The following EBPL variants were observed in gnomAD, a reference collection of about 807,000 sequenced individuals.
EBPL encodes the protein emopamil-binding protein-like.
Under a neutral mutation model 19.0 loss-of-function variants are expected in EBPL, and 20 were observed. That is an observed-to-expected ratio of 1.05 (90% CI 0.74 to 1.53). EBPL has a LOEUF of 1.53. Ranked by LOEUF, EBPL falls within the 40% of genes most tolerant of loss-of-function variation. The pLI, the probability that EBPL is intolerant of heterozygous loss-of-function variation, is 0.00. For synonymous variants in EBPL, 107 were observed against 117.0 expected (o/e 0.91, Z 0.55); for missense variants, 219 against 261.1 (o/e 0.84, Z 1.11).
intron 3 of EBPL, among the ~76,000 whole-genome samples, chr13:49,661,582 C>T (rs1965149258): frequency 6.6e-6 from 1 of 152,138 alleles, no homozygotes; most frequent in Non-Finnish European, 1.5e-5. Context: ...ACCCCTTCCT[C>T]AAACAGTGTA....
In EBPL at chr13:49,691,459, T is replaced by G. The variant is rs778325403; in HGVS notation, c.-35A>C. On this transcript the variant is annotated 5_prime_UTR_variant, in exon 1 of 4. The change abolishes an upstream ATG in the 5' untranslated region. Transcript: ENST00000242827. ...TTCCGACGCCAACGGCCCAGGACCA[T>G]GCGGCAGAGGAAAGCAGGGAGAGAA... 27 of 1,294,012 alleles carry G rather than the reference T, an allele frequency of 2.1e-5. No individual in the cohort carries two copies. Among genetic ancestry groups the G allele is most frequent in the South Asian group, 3.0e-5 (1 of 33,488 alleles). 80.2% of individuals were successfully genotyped at this position (1,294,012 alleles called of 1,614,324 possible).
chr13:49,669,709 C>T (rs1953789472), intron 2 of EBPL, 68 bp downstream of exon 2: 17 of 1,325,128 alleles, frequency 1.3e-5, no homozygotes, highest in East Asian at 4.6e-5. Flanking sequence ...ATAATAGAGG[C>T]GTTTGACAGT....
At chr13:49,661,923 T>C (rs1036767443) in intron 3 of EBPL, 37 of 1,550,364 alleles carry the variant, frequency 2.4e-5, no homozygotes, top group Admixed American at 7.8e-5. Context: ...CAGGCCACTC[T>C]GTCCCTAAGG....
chr13:49,677,886 G>A lies in EBPL; in HGVS notation c.172-8040C>T, dbSNP rs142851875. Among the ~76,000 whole-genome samples the A allele has an allele frequency of 7.4e-3, 1,120 of 152,278 alleles. 14 individuals are homozygous for A. Among genetic ancestry groups the A allele is most frequent in the Non-Finnish European group, 7.8e-3 (533 of 68,024 alleles). ...GAAGTTTGCTCCTTCTGGTGGGTTC[G>A]TGGTCTCACTGGCCTCAGGAGTGAA... is the stretch of plus-strand genomic sequence containing the variant. On this transcript the variant is annotated intron_variant, in intron 1 of 3. Transcript: ENST00000242827.
At chr13:49,691,158 C>G (rs748281550) in intron 1 of EBPL, 96 bp downstream of exon 1, 3 of 1,112,432 alleles carry the variant, frequency 2.7e-6, no homozygotes, top group Non-Finnish European at 3.4e-6. Flanking sequence ...GCGGCCAGCT[C>G]GCTGCAAAAA....
intron 1 of EBPL, among the ~76,000 whole-genome samples, chr13:49,677,952 C>A (rs1188631724): frequency 6.6e-6 from 1 of 152,138 alleles, no homozygotes; most frequent in Non-Finnish European, 1.5e-5. Flanking sequence ...AAAGGCAATG[C>A]GGACCCAAAG....
Position 49,660,904 on chromosome 13 carries a change from A to G in EBPL, c.*64T>C. On this transcript the variant is annotated 3_prime_UTR_variant, in exon 4 of 4. Transcript: ENST00000242827. ...ACTGGAATGTATTACATTTTGGCCAAACAAAAAGATTTGATTCATTCTGGT... is the reference window on the plus strand; with the variant it reads ...ACTGGAATGTATTACATTTTGGCCAGACAAAAAGATTTGATTCATTCTGGT... 1 of 1,438,732 alleles carries G rather than the reference A, an allele frequency of 7.0e-7. No individual in the cohort carries two copies. The highest frequency in any genetic ancestry group is 9.5e-7 in the Non-Finnish European group (1 of 1,047,282). 89.1% of individuals were successfully genotyped at this position (1,438,732 alleles called of 1,614,324 possible).
In EBPL at chr13:49,661,145, TGGGAGGAAGGTCATCCA is replaced by T; in HGVS notation, c.427_443del (p.Trp143ArgfsTer25). On this transcript the variant is annotated frameshift_variant, in exon 4 of 4. Coordinates refer to ENST00000242827, the MANE Select transcript of EBPL (RefSeq NM_032565.5). LOFTEE classifies it high-confidence loss of function. Reference sequence around the variant, plus strand: ...GGTTGGGGCTTCTGGTGAGCCACTCTGGGAGGAAGGTCATCCAGCAGCCATACAGCTCGCACACGCAC... The same window carrying T: ...GGTTGGGGCTTCTGGTGAGCCACTCTGCAGCCATACAGCTCGCACACGCAC... The T allele has an allele frequency of 6.2e-7, 1 of 1,614,154 alleles. No homozygotes were observed. Among genetic ancestry groups the T allele is most frequent in the Non-Finnish European group, 8.5e-7 (1 of 1,180,028 alleles).
intron 1 of EBPL, among the ~76,000 whole-genome samples, chr13:49,682,220 TCAAA>T (rs34445852): frequency 0.18 from 27,983 of 152,104 alleles, 3,212 homozygotes; most frequent in Non-Finnish European, 0.26. Flanking sequence ...ACTACCAGGA[TCAAA>T]CAGTCACACG....
intron 2 of EBPL, among the ~76,000 whole-genome samples, chr13:49,666,446 C>T (rs1965228464): frequency 6.6e-6 from 1 of 152,112 alleles, no homozygotes; most frequent in Admixed American, 6.5e-5. Context: ...GAGGGTGGCT[C>T]ACACCTGTAA....
At chr13:49,675,663 T>TG (rs946999976) in intron 1 of EBPL, among the ~76,000 whole-genome samples, 1 of 152,222 alleles carries the variant, frequency 6.6e-6, no homozygotes, top group Non-Finnish European at 1.5e-5. Flanking sequence ...AACACTGGTT[T>TG]GCAAGGATCT....
At chr13:49,680,034 G>A (rs537551433) in intron 1 of EBPL, among the ~76,000 whole-genome samples, 18 of 152,178 alleles carry the variant, frequency 1.2e-4, no homozygotes, top group Non-Finnish European at 2.2e-4. Context: ...CTTACTGAGA[G>A]GATGGTGAGG....
At position 49,691,388 on chromosome 13, in the gene EBPL, C is replaced by T. The variant is rs752066037; in HGVS notation, c.37G>A (p.Gly13Ser). The T allele has an allele frequency of 1.4e-5, 19 of 1,365,932 alleles. No homozygotes were observed. The highest frequency in any genetic ancestry group is 4.5e-5 in the African/African-American group (3 of 67,350). 84.6% of individuals were successfully genotyped at this position (1,365,932 alleles called of 1,614,324 possible). ...AGCGCGGCGCACAGCAGCAGCGAAC[C>T]GCCAGCCTCGGCCCCCAGCTCCCAC... ...AEWELGAEAG[G>S]SLLLCAALLA... Residue 13 changes from glycine (G) to serine (S), a missense_variant, in exon 1 of 4, where the codon GGT becomes AGT. Transcript: ENST00000242827.
intron 1 of EBPL, among the ~76,000 whole-genome samples, chr13:49,671,740 T>C (rs891211258): frequency 2.0e-5 from 3 of 152,142 alleles, no homozygotes; most frequent in East Asian, 1.9e-4. Flanking sequence ...TTCCTATAGA[T>C]TGTAAATCTC....
chr13:49,678,813 G>GTTA (rs1214078891), intron 1 of EBPL, among the ~76,000 whole-genome samples: 1 of 151,936 alleles, frequency 6.6e-6, no homozygotes, highest in East Asian at 1.9e-4. Context: ...AGTGAGGCCT[G>GTTA]TTAGCACGTT....
Position 49,663,068 on chromosome 13 carries a change from T to G in EBPL, c.369A>C (p.Glu123Asp), listed in dbSNP as rs1277655736. 6.2e-7 allele frequency: 1 copy of G among 1,614,052 alleles called. No individual in the cohort carries two copies. Among genetic ancestry groups the G allele is most frequent in the Non-Finnish European group, 8.5e-7 (1 of 1,180,020 alleles). The change falls in exon 3 of 4, where the codon GAA becomes GAC. Residue 123 changes from glutamate (E) to aspartate (D), a missense_variant. Coordinates refer to ENST00000242827, the MANE Select transcript of EBPL (RefSeq NM_032565.5). ...AGAAGGGCACCTACCGGTAATATTT[T>G]TCTTTGACTATGGCATAAATGAGGA... ...ALFLIYAIVK[E>D]KYYRHFLQIT...
At chr13:49,673,220 C>A (rs957478419) in intron 1 of EBPL, among the ~76,000 whole-genome samples, 3 of 152,150 alleles carry the variant, frequency 2.0e-5, no homozygotes, top group South Asian at 4.2e-4. Context: ...CTAAAAAAAA[C>A]CAGAGTTTGG....
chr13:49,661,692 G>A (rs923258219), intron 3 of EBPL: 2 of 933,032 alleles, frequency 2.1e-6, no homozygotes, highest in Non-Finnish European at 2.6e-6. Context: ...ATAAACACAT[G>A]GGCACACGTA....
At chr13:49,684,918 A>G (rs1050326399) in intron 1 of EBPL, among the ~76,000 whole-genome samples, 1 of 152,036 alleles carries the variant, frequency 6.6e-6, no homozygotes, top group Non-Finnish European at 1.5e-5. Context: ...ATTATTTTTT[A>G]TTTTTGAGAC....
Sources: allele counts gnomAD v4.1 joint callset (sites outside exome capture counted in the v4.1 genomes callset), GRCh38; gene constraint gnomAD v4.1.1; transcripts MANE v1.5; gene names NCBI Gene and HGNC (gene_info 2026-07-23, HGNC 2026-07-21).